Variants in MGAT4A observed in about 807,000 individuals in gnomAD.
MGAT4A encodes alpha-1,3-mannosyl-glycoprotein 4-beta-N-acetylglucosaminyltransferase A.
A neutral mutation model predicts 74.1 loss-of-function variants in MGAT4A; 33 were observed. The observed-to-expected ratio is 0.45, with a 90% CI of 0.34 to 0.60. The LOEUF (loss-of-function observed/expected upper bound fraction) is 0.60. Among genes scored for constraint, MGAT4A ranks in the 20% least tolerant of loss-of-function variants. The pLI is 0.02. For synonymous variants in MGAT4A, 198 were observed against 210.4 expected (o/e 0.94, Z 0.51); for missense variants, 479 against 628.3 (o/e 0.76, Z 2.54).
At chr2:98,677,107 A>G (rs1436447707) in intron 3 of MGAT4A, among the ~76,000 whole-genome samples, 2 of 152,214 alleles carry the variant, frequency 1.3e-5, no homozygotes, top group Middle Eastern at 3.2e-3. Flanking sequence ...TCAATTAGAT[A>G]CATATGTCAA....
At chr2:98,717,279 CGA>C (rs1478036490) in intron 2 of MGAT4A, among the ~76,000 whole-genome samples, 2 of 151,136 alleles carry the variant, frequency 1.3e-5, no homozygotes, top group African/African-American at 4.9e-5. Context: ...CCAGGGAGGC[CGA>C]GATAGGAGAA....
chr2:98,716,621 T>A (rs192342619), intron 2 of MGAT4A, among the ~76,000 whole-genome samples: 2 of 152,338 alleles, frequency 1.3e-5, no homozygotes, highest in East Asian at 3.9e-4. Context: ...CGAAACTCCA[T>A]CTCAGAAAAG....
chr2:98,648,788 T>C (rs1701534315), intron 8 of MGAT4A, among the ~76,000 whole-genome samples: 1 of 151,418 alleles, frequency 6.6e-6, no homozygotes, highest in South Asian at 2.1e-4. Flanking sequence ...ACCTGCTCTT[T>C]GAAAGGCAGA....
At chr2:98,690,967 T>C (rs62158010) in intron 2 of MGAT4A, among the ~76,000 whole-genome samples, 36,062 of 151,950 alleles carry the variant, frequency 0.24, 5,050 homozygotes, top group Non-Finnish European at 0.32. Flanking sequence ...AGGAAAAAAT[T>C]AACAGAGCCT....
chr2:98,721,021 A>C (rs1266195141), intron 2 of MGAT4A, among the ~76,000 whole-genome samples: 1 of 152,248 alleles, frequency 6.6e-6, no homozygotes, highest in Non-Finnish European at 1.5e-5. Context: ...GTCAAACACA[A>C]GAAAATCTTG....
intron 2 of MGAT4A, among the ~76,000 whole-genome samples, chr2:98,721,125 T>C (rs1038964411): frequency 1.3e-5 from 2 of 152,174 alleles, no homozygotes; most frequent in East Asian, 3.8e-4. Flanking sequence ...ACAAAGGCAA[T>C]GCAATCACAC....
chr2:98,728,830 C>T (rs1208364604), intron 1 of MGAT4A, among the ~76,000 whole-genome samples: 3 of 151,474 alleles, frequency 2.0e-5, no homozygotes, highest in Non-Finnish European at 2.9e-5. Flanking sequence ...TATAAAAACA[C>T]GGGTGATAAT....
intron 2 of MGAT4A, among the ~76,000 whole-genome samples, chr2:98,697,742 G>A (rs1702297127): frequency 1.3e-5 from 2 of 152,198 alleles, no homozygotes; most frequent in Admixed American, 1.3e-4. Context: ...AAGAAAATAG[G>A]GCATGTTCAT....
In MGAT4A at chr2:98,625,157, A is replaced by G; in HGVS notation, c.*409T>C. On this transcript the variant is annotated 3_prime_UTR_variant, in exon 16 of 16. Transcript: ENST00000393487. ...TTTTTATGTATATTTATATATTTAT[A>G]TATATAATCCCTGATAATCTATAAA... 1 of 792,660 alleles carries G rather than the reference A, an allele frequency of 1.3e-6. No individual in the cohort carries two copies. 49.1% of individuals were successfully genotyped at this position (792,660 alleles called of 1,614,324 possible).
intron 10 of MGAT4A, among the ~76,000 whole-genome samples, chr2:98,642,528 T>G (rs1252446879): frequency 6.6e-6 from 1 of 152,114 alleles, no homozygotes; most frequent in Non-Finnish European, 1.5e-5. Flanking sequence ...ATTTAGAGGG[T>G]TTTTGTGGTT....
At chr2:98,698,761 T>G (rs1310462477) in intron 2 of MGAT4A, among the ~76,000 whole-genome samples, 1 of 152,184 alleles carries the variant, frequency 6.6e-6, no homozygotes, top group African/African-American at 2.4e-5. Flanking sequence ...TCTACGTTCA[T>G]GCTGTCTGCC....
intron 8 of MGAT4A, among the ~76,000 whole-genome samples, chr2:98,649,408 AG>A (rs1227601797): frequency 6.6e-6 from 1 of 152,178 alleles, no homozygotes; most frequent in African/African-American, 2.4e-5. Context: ...GACCACAGTG[AG>A]GAAACACTCA....
At position 98,661,590 on chromosome 2, in the gene MGAT4A, T is replaced by C. The variant is rs1351802637; in HGVS notation, c.537+1456A>G. On this transcript the variant is annotated intron_variant, in intron 5 of 15. Transcript: ENST00000393487. ...GAAGACTTGACATTTAAGCCTAAATTTGATACATATTTCTATTCAAATGTA... is the reference window on the plus strand; with the variant it reads ...GAAGACTTGACATTTAAGCCTAAATCTGATACATATTTCTATTCAAATGTA... Among the ~76,000 whole-genome samples, 2 of 152,212 alleles carry C rather than the reference T, an allele frequency of 1.3e-5. 1 individual carries two copies. Among genetic ancestry groups the C allele is most frequent in the Admixed American group, 1.3e-4 (2 of 15,290 alleles).
intron 2 of MGAT4A, among the ~76,000 whole-genome samples, chr2:98,703,201 G>T (rs975465650): frequency 2.6e-5 from 4 of 152,122 alleles, no homozygotes; most frequent in African/African-American, 9.7e-5. Context: ...AAAACGAAGA[G>T]ACAGGAAATA....
At chr2:98,668,013 C>T (rs112196540) in intron 4 of MGAT4A, among the ~76,000 whole-genome samples, 6 of 152,090 alleles carry the variant, frequency 3.9e-5, no homozygotes, top group Admixed American at 6.5e-5. Flanking sequence ...CCACAGCGCC[C>T]GGCCAGCATT....
chr2:98,691,984 AAAC>A (rs1702201638), intron 2 of MGAT4A, among the ~76,000 whole-genome samples: 1 of 152,254 alleles, frequency 6.6e-6, no homozygotes, highest in African/African-American at 2.4e-5. Flanking sequence ...TGAATATAAA[AAAC>A]AAAATATTTT....
intron 2 of MGAT4A, among the ~76,000 whole-genome samples, chr2:98,717,631 A>C (rs1702610773): frequency 6.6e-6 from 1 of 152,194 alleles, no homozygotes; most frequent in African/African-American, 2.4e-5. Context: ...GTATAAGGGA[A>C]ATCTGTGTAC....
rs1701118489 is a variant in MGAT4A at position 98,624,711 on chromosome 2, G to T, written c.*855C>A. 1.0e-6 allele frequency: 1 copy of T among 982,958 alleles called. No individual in the cohort carries two copies. The highest frequency in any genetic ancestry group is 4.7e-5 in the South Asian group (1 of 21,234). 60.9% of individuals were successfully genotyped at this position (982,958 alleles called of 1,614,324 possible). On this transcript the variant is annotated 3_prime_UTR_variant, in exon 16 of 16. Transcript: ENST00000393487. Reference sequence around the variant, plus strand: ...GAGTTTGTCATTTTACATATCAGAGGAAATATAATAAGTTAAGTCTACAAT... The same window carrying T: ...GAGTTTGTCATTTTACATATCAGAGTAAATATAATAAGTTAAGTCTACAAT...
chr2:98,660,416 GCGCACACACACA>G (rs1475779816), intron 5 of MGAT4A, among the ~76,000 whole-genome samples: 2,556 of 84,930 alleles, frequency 0.03, 62 homozygotes, highest in East Asian at 0.1. Flanking sequence ...ACACACGCAC[GCGCACACACACA>G]CACACACACA....
Sources: allele counts gnomAD v4.1 joint callset (sites outside exome capture counted in the v4.1 genomes callset), GRCh38; gene constraint gnomAD v4.1.1; transcripts MANE v1.5; gene names NCBI Gene and HGNC (gene_info 2026-07-23, HGNC 2026-07-21).